GRK5: variants seen among roughly 807,000 people sequenced by gnomAD.
GRK5 encodes G protein-coupled receptor kinase 5, also known as g protein-coupled receptor kinase GRK5.
A neutral mutation model predicts 78.4 loss-of-function variants in GRK5; 40 were observed. The ratio of observed to expected loss-of-function variants is 0.51; its 90% CI spans 0.40 to 0.66. GRK5 has a LOEUF of 0.66. Ranked by LOEUF, GRK5 falls within the 30% of genes least tolerant of loss-of-function variation. The pLI is 0.00. For synonymous variants in GRK5, 289 were observed against 296.8 expected (o/e 0.97, Z 0.27); for missense variants, 598 against 759.9 (o/e 0.79, Z 2.50).
intron 1 of GRK5, among the ~76,000 whole-genome samples, chr10:119,290,369 AAC>A (rs1491101150): frequency 0.033 from 4,577 of 138,938 alleles, 164 homozygotes; most frequent in African/African-American, 0.071. Context: ...AAAAACAAAA[AAC>A]AACTCTGTCC....
chr10:119,351,668 A>G (rs1851187000), intron 2 of GRK5, among the ~76,000 whole-genome samples: 1 of 152,192 alleles, frequency 6.6e-6, no homozygotes, highest in Non-Finnish European at 1.5e-5. Context: ...GTGGTAGGTA[A>G]AAACCATGAC....
In GRK5 at chr10:119,448,139, C is replaced by T. The variant is rs774086762; in HGVS notation, c.1283C>T (p.Ala428Val). ...SICKMLLTKD[A>V]KQRLGCQEEG... Reference sequence around the variant, plus strand: ...CTGTTTCAGCTGCTCACGAAAGATGCGAAGCAGAGGCTGGGCTGCCAGGAG... The same window carrying T: ...CTGTTTCAGCTGCTCACGAAAGATGTGAAGCAGAGGCTGGGCTGCCAGGAG... The change falls in exon 13 of 16, where the codon GCG becomes GTG. Residue 428 changes from alanine to valine, a missense_variant. Ala to Val is a moderately conservative substitution (Grantham distance 64, BLOSUM62 0). Transcript: ENST00000392870. 9.6e-5 allele frequency: 150 copies of T among 1,558,136 alleles called. No homozygotes were observed. The highest frequency in any genetic ancestry group is 5.9e-4 in the East Asian group (24 of 40,648).
chr10:119,452,930 TGAAGGCA>T lies in GRK5; in HGVS notation c.1542+124_1542+130del. The T allele has an allele frequency of 8.1e-7, 1 of 1,229,774 alleles. No individual in the cohort carries two copies. The highest frequency in any genetic ancestry group is 1.2e-6 in the Non-Finnish European group (1 of 861,212). The allele number at this position is 1,229,774 out of a possible 1,614,324, so 76.2% of individuals were successfully genotyped here. The stretch of plus-strand genomic sequence containing the variant: ...GAGCGCATGGTTTCTGTTTTCTCCA[TGAAGGCA>T]GCACACAAAAGCTGTCAGTGGCCAA... On this transcript the variant is annotated intron_variant, in intron 14 of 15. Transcript: ENST00000392870. The surrounding 1 kb of genome is among the most constrained non-coding windows in gnomAD (Gnocchi z 4.4).
chr10:119,295,782 G>A (rs185514074), intron 1 of GRK5, among the ~76,000 whole-genome samples: 8 of 152,006 alleles, frequency 5.3e-5, no homozygotes, highest in Non-Finnish European at 1.2e-4. Context: ...AGAATGATAC[G>A]ATGGACTTCA....
intron 4 of GRK5, among the ~76,000 whole-genome samples, chr10:119,409,791 A>AGGAGGGTGGTGGGT (rs1454912158): frequency 6.6e-6 from 1 of 151,472 alleles, no homozygotes; most frequent in Non-Finnish European, 1.5e-5. Flanking sequence ...TTTCGGATTG[A>AGGAGGGTGGTGGGT]GGAGGGTGGT....
chr10:119,344,250 T>C (rs1157530122), intron 2 of GRK5, among the ~76,000 whole-genome samples: 1 of 152,172 alleles, frequency 6.6e-6, no homozygotes, highest in Non-Finnish European at 1.5e-5. Context: ...TACATACGTA[T>C]ACATGTGCCA....
chr10:119,400,791 G>A (rs1852137194), intron 4 of GRK5, among the ~76,000 whole-genome samples: 2 of 152,206 alleles, frequency 1.3e-5, no homozygotes, highest in Admixed American at 1.3e-4. Context: ...GCCATCTGGG[G>A]AACAGCCCCA....
intron 12 of GRK5, among the ~76,000 whole-genome samples, chr10:119,447,899 G>C (rs116715408): frequency 4.3e-4 from 65 of 152,346 alleles, no homozygotes; most frequent in African/African-American, 1.6e-3. Context: ...AATCCTGAGA[G>C]AAACAAGATT....
chr10:119,227,919 A>C (rs147325954), intron 1 of GRK5, among the ~76,000 whole-genome samples: 1 of 152,302 alleles, frequency 6.6e-6, no homozygotes, highest in African/African-American at 2.4e-5. Context: ...AAAGCCTTAA[A>C]ATTGGGTAAC....
intron 1 of GRK5, among the ~76,000 whole-genome samples, chr10:119,278,017 G>A (rs969919904): frequency 5.9e-5 from 9 of 152,198 alleles, no homozygotes; most frequent in African/African-American, 1.7e-4. Flanking sequence ...GTTGTTTCTA[G>A]TCTCTCTATG....
At chr10:119,381,122 C>A (rs951597103) in intron 3 of GRK5, among the ~76,000 whole-genome samples, 195 bp downstream of exon 3, 3 of 152,194 alleles carry the variant, frequency 2.0e-5, no homozygotes, top group Non-Finnish European at 4.4e-5. Context: ...CTTGGGTGAC[C>A]TTGGGTGGGC....
intron 1 of GRK5, among the ~76,000 whole-genome samples, chr10:119,255,850 C>T (rs1051191133): frequency 4.6e-5 from 7 of 152,068 alleles, no homozygotes; most frequent in African/African-American, 1.2e-4. Flanking sequence ...GAGAGCTGAC[C>T]GGGTTGTAGA....
chr10:119,364,833 A>G (rs1851420020), intron 2 of GRK5, among the ~76,000 whole-genome samples: 1 of 152,248 alleles, frequency 6.6e-6, no homozygotes. Context: ...TTTTTCAATC[A>G]TCTGAATGTT....
chr10:119,385,172 A>G (rs1851773829), intron 3 of GRK5, among the ~76,000 whole-genome samples: 2 of 152,330 alleles, frequency 1.3e-5, no homozygotes, highest in Middle Eastern at 6.8e-3. Context: ...ACTTTGTGCC[A>G]TCAGAGAACT....
chr10:119,328,532 C>T (rs1261531711), intron 2 of GRK5, among the ~76,000 whole-genome samples: 2 of 152,184 alleles, frequency 1.3e-5, no homozygotes, highest in Admixed American at 1.3e-4. Context: ...CATTTTCATC[C>T]TGGGTCTGCT....
intron 6 of GRK5, among the ~76,000 whole-genome samples, chr10:119,426,418 C>T (rs1280682527): frequency 2.0e-5 from 3 of 152,150 alleles, no homozygotes. Flanking sequence ...CTGAGGGCAC[C>T]AGAGCCCCCA....
intron 1 of GRK5, among the ~76,000 whole-genome samples, chr10:119,220,236 T>C (rs1848637373): frequency 6.6e-6 from 1 of 152,188 alleles, no homozygotes; most frequent in Non-Finnish European, 1.5e-5. Flanking sequence ...TGCCGCACAC[T>C]TATTCTCCAA....
In GRK5 at chr10:119,452,309, G is replaced by T. The variant is rs1008001390; in HGVS notation, c.1405-362G>T. The T allele has an allele frequency of 7.7e-6, 2 of 258,208 alleles. No homozygotes were observed. The highest frequency in any genetic ancestry group is 1.5e-5 in the Non-Finnish European group (2 of 132,200). The allele number at this position is 258,208 out of a possible 1,614,324, so 16.0% of individuals were successfully genotyped here. Reference sequence around the variant, plus strand: ...CCCACGTCTGTCCAGTATGGGTAAGGGAGTGATGGCAGGAATGAGCCCTGG... The same window carrying T: ...CCCACGTCTGTCCAGTATGGGTAAGTGAGTGATGGCAGGAATGAGCCCTGG... On this transcript the variant is annotated intron_variant, in intron 13 of 15. Coordinates refer to ENST00000392870, the MANE Select transcript of GRK5 (RefSeq NM_005308.3). The surrounding 1 kb of genome is among the most constrained non-coding windows in gnomAD (Gnocchi z 4.4).
chr10:119,373,414 G>A (rs953849000), intron 2 of GRK5, among the ~76,000 whole-genome samples: 4 of 152,208 alleles, frequency 2.6e-5, no homozygotes, highest in Non-Finnish European at 5.9e-5. Flanking sequence ...TTCCCATGCT[G>A]TTCTCATGAT....
Sources: allele counts gnomAD v4.1 joint callset (sites outside exome capture counted in the v4.1 genomes callset), GRCh38; gene constraint gnomAD v4.1.1; non-coding constraint Gnocchi (gnomAD v3.1); transcripts MANE v1.5; gene names NCBI Gene and HGNC (gene_info 2026-07-23, HGNC 2026-07-21).